The following ANKRD30A variants were observed in gnomAD, a reference collection of about 807,000 sequenced individuals.
ANKRD30A encodes ankyrin repeat domain-containing protein 30A.
In ANKRD30A, 170 loss-of-function variants were observed where a neutral mutation model predicts 166.3. The ratio of observed to expected loss-of-function variants is 1.02; its 90% CI spans 0.90 to 1.16. The LOEUF (loss-of-function observed/expected upper bound fraction) is 1.16. ANKRD30A is among the 50% of genes most tolerant of loss of function. The probability of loss-of-function intolerance (pLI) is 0.00; values close to 1 mark genes in which losing one functional copy is unlikely to be tolerated. For missense variants in ANKRD30A, 1,630 were observed against 1,518.0 expected, an observed-to-expected ratio of 1.07 and a Z score of -1.23; for synonymous variants, 564 against 508.9, an observed-to-expected ratio of 1.11 and a Z score of -1.46.
At chr10:37,212,067 G>A (rs1401486871) in intron 31 of ANKRD30A, among the ~76,000 whole-genome samples, 1 of 152,030 alleles carries the variant, frequency 6.6e-6, no homozygotes, top group Non-Finnish European at 1.5e-5. Flanking sequence ...TAGGGAAAGA[G>A]GAAGTTGAAT....
intron 27 of ANKRD30A, among the ~76,000 whole-genome samples, chr10:37,196,720 T>C (rs1357862498): frequency 2.6e-5 from 4 of 152,132 alleles, no homozygotes; most frequent in Non-Finnish European, 5.9e-5. Context: ...AGCATTCAGA[T>C]GAATAAAGCA....
At chr10:37,164,913 G>C (rs781638884) in intron 17 of ANKRD30A, among the ~76,000 whole-genome samples, 181 bp from the exon 18 acceptor site, 1 of 152,046 alleles carries the variant, frequency 6.6e-6, no homozygotes, top group Non-Finnish European at 1.5e-5. Flanking sequence ...AATTGTCAGA[G>C]TTTTTAGATT....
intron 31 of ANKRD30A, 139 bp from the exon 32 acceptor site, chr10:37,216,042 G>A (rs1842588140): frequency 1.5e-5 from 6 of 392,756 alleles, no homozygotes; most frequent in Non-Finnish European, 2.2e-5. Flanking sequence ...TGTTTAATCT[G>A]CAGAGCTTAG....
At chr10:37,233,024 T>G (rs1843523044), downstream of ANKRD30A, among the ~76,000 whole-genome samples, 1 of 151,900 alleles carries the variant, frequency 6.6e-6, no homozygotes, top group Non-Finnish European at 1.5e-5. Context: ...CACATTGGCT[T>G]ATAGTTTTGA....
chr10:37,197,485 A>G lies in ANKRD30A; in HGVS notation c.2716+5A>G, dbSNP rs1564553132. The G allele has an allele frequency of 1.2e-6, 2 of 1,612,126 alleles. No individual in the cohort carries two copies. Among genetic ancestry groups the G allele is most frequent in the Admixed American group, 1.7e-5 (1 of 59,978 alleles). ...ATGAACAAACATTGAGAGCAGGTAC[A>G]TTTTTCAATGTAACTATGCGAAGAC... On this transcript the variant is annotated splice_donor_5th_base_variant and intron_variant, in intron 29 of 35. Coordinates refer to ENST00000361713, the MANE Select transcript of ANKRD30A (RefSeq NM_052997.3).
At chr10:37,242,313 C>A in the ANKRD30A span, among the ~76,000 whole-genome samples, 1 of 152,128 alleles carries the variant, frequency 6.6e-6, no homozygotes, top group Non-Finnish European at 1.5e-5. Flanking sequence ...CTTATTGCAT[C>A]CTATCATTGG....
chr10:37,219,528 T>G lies in ANKRD30A; in HGVS notation c.3816T>G (p.Asp1272Glu), dbSNP rs763723452. ...SLKINLNYAG[D>E]ALRENTLVSE... ...AAATTAATCTCAATTATGCAGGAGA[T>G]GCTCTAAGAGAAAATACATTGGTTT... Residue 1272 changes from aspartate to glutamate, a missense_variant, in exon 34 of 36, where the codon GAT becomes GAG. This residue lies in a region of ANKRD30A where 712 missense variants were observed against 629.3 expected (regional missense o/e 1.13). Coordinates refer to ENST00000361713, the MANE Select transcript of ANKRD30A (RefSeq NM_052997.3). 5.6e-6 allele frequency: 9 copies of G among 1,610,206 alleles called. No homozygotes were observed. The African/African-American group carries it at 1.2e-4, about 22-fold the overall frequency.
Position 37,197,328 on chromosome 10 carries a change from T to A in ANKRD30A, c.2643+19T>A. On this transcript the variant is annotated intron_variant, in intron 28 of 35. Coordinates refer to ENST00000361713, the MANE Select transcript of ANKRD30A (RefSeq NM_052997.3). Reference sequence around the variant, plus strand: ...CTTCGAGGTATTTAGTTTTATGATTTCATTTTGAATGACTTATTAACTATG... The same window carrying A: ...CTTCGAGGTATTTAGTTTTATGATTACATTTTGAATGACTTATTAACTATG... 1 of 1,613,430 alleles carries A rather than the reference T, an allele frequency of 6.2e-7. No homozygotes were observed.
intron 6 of ANKRD30A, among the ~76,000 whole-genome samples, chr10:37,141,488 TGAGG>T (rs1837103148): frequency 6.8e-6 from 1 of 146,878 alleles, no homozygotes; most frequent in Non-Finnish European, 1.5e-5. Flanking sequence ...GAGAATCGCT[TGAGG>T]TAGGAGAATT....
At chr10:37,229,009 A>G (rs1180782344) in intron 34 of ANKRD30A, among the ~76,000 whole-genome samples, 1 of 151,982 alleles carries the variant, frequency 6.6e-6, no homozygotes, top group Non-Finnish European at 1.5e-5. Context: ...GGACAGCTCA[A>G]AGACTGGGAA....
chr10:37,197,840 C>G (rs1264596103), intron 29 of ANKRD30A, among the ~76,000 whole-genome samples: 1 of 151,970 alleles, frequency 6.6e-6, no homozygotes, highest in Admixed American at 6.6e-5. Context: ...TTTCGGGGAT[C>G]CCATCTTTTA....
At chr10:37,165,218 A>T (rs1182826155) in intron 18 of ANKRD30A, 63 bp downstream of exon 18, 2 of 1,458,040 alleles carry the variant, frequency 1.4e-6, no homozygotes, top group Admixed American at 1.7e-5. Context: ...ATAAAATCAG[A>T]TGCTTAGTCT....
chr10:37,206,689 G>A (rs887159562), intron 31 of ANKRD30A, among the ~76,000 whole-genome samples: 1 of 152,072 alleles, frequency 6.6e-6, no homozygotes, highest in Non-Finnish European at 1.5e-5. Context: ...AGCTACTCAG[G>A]AGGCTGAGGC....
Position 37,141,747 on chromosome 10 carries a change from G to T in ANKRD30A, c.850G>T (p.Ala284Ser), listed in dbSNP as rs764065320. Residue 284 changes from alanine (A) to serine (S), a missense_variant, in exon 7 of 36, where the codon GCT (alanine) becomes TCT (serine). Ala to Ser is a moderately conservative substitution (Grantham distance 99). Coordinates refer to ENST00000361713, the MANE Select transcript of ANKRD30A (RefSeq NM_052997.3). ...AACATCTGCAGGAACACCTGATGAG[G>T]CTGCACCCTTGGCGGAAAGAACACC... is the stretch of plus-strand genomic sequence containing the variant. ...EGTSAGTPDE[A>S]APLAERTPDT... is the part of the protein sequence containing the mutation. 6.2e-7 allele frequency: 1 copy of T among 1,611,978 alleles called. No individual in the cohort carries two copies. Among genetic ancestry groups the T allele is most frequent in the South Asian group, 1.1e-5 (1 of 90,986 alleles).
intron 5 of ANKRD30A, chr10:37,135,258 A>G (rs1836611423): frequency 6.6e-6 from 1 of 152,238 alleles, no homozygotes; most frequent in African/African-American, 2.4e-5. Context: ...AGTGGTACAT[A>G]TACTAAAATT....
At chr10:37,148,402 A>C (rs939654333) in intron 9 of ANKRD30A, among the ~76,000 whole-genome samples, 6 of 152,278 alleles carry the variant, frequency 3.9e-5, no homozygotes, top group African/African-American at 1.4e-4. Context: ...AAAGGAAGTG[A>C]TGGAAAAATA....
Position 37,161,536 on chromosome 10 carries a change from G to A in ANKRD30A, c.1901-1113G>A, listed in dbSNP as rs181473858. Among the ~76,000 whole-genome samples, 45 of 152,166 alleles carry A rather than the reference G, an allele frequency of 3.0e-4. No homozygotes were observed. In the East Asian group the frequency reaches 8.5e-3, roughly 29 times the overall value. On this transcript the variant is annotated intron_variant, in intron 15 of 35. Transcript: ENST00000361713. Reference sequence around the variant, plus strand: ...GGACAAACAAGAAAGAATGTAGGCAGGTAATTCTGGAGACTCTGAGAAGAA... The same window carrying A: ...GGACAAACAAGAAAGAATGTAGGCAAGTAATTCTGGAGACTCTGAGAAGAA...
At chr10:37,219,995 A>ATC in intron 34 of ANKRD30A, 98 bp downstream of exon 34, 1 of 16,050 alleles carries the variant, frequency 6.2e-5, no homozygotes, top group Non-Finnish European at 1.4e-4. Flanking sequence ...TTGAATATAT[A>ATC]TATATATATA....
At chr10:37,159,527 TAAA>T (rs888603821) in intron 15 of ANKRD30A, among the ~76,000 whole-genome samples, 1 of 151,824 alleles carries the variant, frequency 6.6e-6, no homozygotes, top group African/African-American at 2.4e-5. Flanking sequence ...AGCAAAGAAA[TAAA>T]AAAACAAAAA....
Sources: allele counts gnomAD v4.1 joint callset (sites outside exome capture counted in the v4.1 genomes callset), GRCh38; gene constraint gnomAD v4.1.1; regional missense constraint gnomAD v4.1.1; transcripts MANE v1.5; gene names NCBI Gene and HGNC (gene_info 2026-07-23, HGNC 2026-07-21).